CSMD3: variants seen among roughly 807,000 people sequenced by gnomAD.
CSMD3 encodes CUB and sushi domain-containing protein 3.
Under a neutral mutation model 435.2 loss-of-function variants are expected in CSMD3, and 177 were observed. That is an observed-to-expected ratio of 0.41 (90% CI 0.36 to 0.46). The LOEUF (loss-of-function observed/expected upper bound fraction) is 0.46, where lower values mean the gene tolerates loss of function less well. Among genes scored for constraint, CSMD3 ranks in the 20% least tolerant of loss-of-function variants. The probability of loss-of-function intolerance (pLI) is 0.34; values close to 1 mark genes in which losing one functional copy is unlikely to be tolerated. For synonymous variants in CSMD3, 1,656 were observed against 1,520.5 expected (o/e 1.09, Z -2.07); for missense variants, 4,265 against 4,504.6 (o/e 0.95, Z 1.52).
chr8:112,527,989 A>C (rs868206696), intron 27 of CSMD3, among the ~76,000 whole-genome samples: 1 of 152,170 alleles, frequency 6.6e-6, no homozygotes, highest in South Asian at 2.1e-4. Flanking sequence ...TGAAATTCGT[A>C]TAGTATTCAT....
chr8:112,331,005 A>G (rs1823999685), intron 45 of CSMD3, among the ~76,000 whole-genome samples: 1 of 151,946 alleles, frequency 6.6e-6, no homozygotes. Context: ...TTTTTTACTC[A>G]GTTTGTTCAT....
At chr8:112,853,743 G>A (rs1176972385) in intron 11 of CSMD3, among the ~76,000 whole-genome samples, 1 of 152,168 alleles carries the variant, frequency 6.6e-6, no homozygotes. Context: ...TCCTAAACCA[G>A]CTCCACCTGT....
At chr8:112,992,737 G>T (rs1329608980) in intron 6 of CSMD3, among the ~76,000 whole-genome samples, 1 of 151,766 alleles carries the variant, frequency 6.6e-6, no homozygotes, top group African/African-American at 2.4e-5. Flanking sequence ...GGGAAGATCT[G>T]ATTTAAATTT....
At chr8:112,263,023 T>C (rs1475557738) in intron 61 of CSMD3, among the ~76,000 whole-genome samples, 1 of 152,060 alleles carries the variant, frequency 6.6e-6, no homozygotes, top group Non-Finnish European at 1.5e-5. Context: ...ACTGTCCAGA[T>C]AATGTTCTAG....
intron 11 of CSMD3, among the ~76,000 whole-genome samples, chr8:112,842,677 C>T (rs1006201747): frequency 1.3e-5 from 2 of 151,772 alleles, no homozygotes; most frequent in African/African-American, 4.8e-5. Flanking sequence ...TGATTCATTA[C>T]ACAATTATGC....
At chr8:113,027,475 G>A (rs2086917290) in intron 5 of CSMD3, among the ~76,000 whole-genome samples, 1 of 152,144 alleles carries the variant, frequency 6.6e-6, no homozygotes, top group African/African-American at 2.4e-5. Context: ...TGTATGTAGA[G>A]TGTACAGATG....
chr8:112,595,282 G>A (rs1204692091), intron 22 of CSMD3, among the ~76,000 whole-genome samples: 2 of 151,850 alleles, frequency 1.3e-5, no homozygotes, highest in Admixed American at 6.6e-5. Context: ...AAGATGAAAC[G>A]AATGAAATGA....
At chr8:112,775,465 T>C (rs972957674) in intron 13 of CSMD3, among the ~76,000 whole-genome samples, 2 of 151,894 alleles carry the variant, frequency 1.3e-5, no homozygotes, top group African/African-American at 4.8e-5. Context: ...TTATATACAA[T>C]AATTTATAAA....
intron 39 of CSMD3, among the ~76,000 whole-genome samples, chr8:112,351,451 T>C (rs1826127437): frequency 6.6e-6 from 1 of 151,938 alleles, no homozygotes; most frequent in Non-Finnish European, 1.5e-5. Flanking sequence ...AGCTACATGA[T>C]AGTGGTAGAA....
intron 3 of CSMD3, among the ~76,000 whole-genome samples, chr8:113,219,878 T>A (rs868375707): frequency 1.3e-4 from 20 of 151,488 alleles, no homozygotes; most frequent in African/African-American, 4.1e-4. Flanking sequence ...GTTTGAAATA[T>A]ATTACAAACA....
At chr8:112,486,062 T>C (rs1283627434) in intron 31 of CSMD3, among the ~76,000 whole-genome samples, 2 of 150,850 alleles carry the variant, frequency 1.3e-5, no homozygotes, top group African/African-American at 4.9e-5. Flanking sequence ...CTGTCCAGAG[T>C]TGTATTTCAG....
intron 32 of CSMD3, among the ~76,000 whole-genome samples, chr8:112,417,159 G>A (rs1420579430): frequency 2.6e-5 from 4 of 152,152 alleles, no homozygotes; most frequent in African/African-American, 9.7e-5. Context: ...GATTTAGGAA[G>A]ATTAATGTTT....
chr8:112,427,781 A>G (rs927931517), intron 32 of CSMD3, among the ~76,000 whole-genome samples: 8 of 152,144 alleles, frequency 5.3e-5, no homozygotes, highest in African/African-American at 1.9e-4. Context: ...ATTACTTTGT[A>G]TCTTCTAAAT....
rs867801855 is a variant in CSMD3, at chr8:112,370,017, A to G, written c.6136+10335T>C. On this transcript the variant is annotated intron_variant, in intron 38 of 70. Coordinates refer to ENST00000297405, the MANE Select transcript of CSMD3 (RefSeq NM_198123.2). ...AGGAAGAAGAAGAGGAAGAGGAAGA[A>G]GAAGAGGAAGAAGAAGAAGAAGAAG... Among the ~76,000 whole-genome samples the G allele has an allele frequency of 8.1e-3, 484 of 59,532 alleles. 9 individuals carry two copies. Among genetic ancestry groups the G allele is most frequent in the African/African-American group, 0.019 (470 of 25,262 alleles). The allele number at this position is 59,532 out of a possible 152,430, so 39.1% of individuals were successfully genotyped here. A position where few individuals can be genotyped will look rare whatever the true frequency, so the allele number is the denominator to read the frequency against.
At chr8:113,355,374 G>C (rs1429125597) in intron 1 of CSMD3, among the ~76,000 whole-genome samples, 2 of 151,900 alleles carry the variant, frequency 1.3e-5, no homozygotes, top group African/African-American at 2.4e-5. Context: ...AAACAGCAAA[G>C]GTTTACTCTC....
chr8:112,576,132 C>T (rs918590235), intron 23 of CSMD3, among the ~76,000 whole-genome samples: 3 of 151,738 alleles, frequency 2.0e-5, no homozygotes, highest in Admixed American at 1.3e-4. Flanking sequence ...TTTCAGTTTG[C>T]CAAAAATAGT....
At chr8:112,662,093 T>A (rs1035713064) in intron 17 of CSMD3, among the ~76,000 whole-genome samples, 1 of 152,152 alleles carries the variant, frequency 6.6e-6, no homozygotes, top group Non-Finnish European at 1.5e-5. Flanking sequence ...ATGGCCACAC[T>A]GCCCAAGGTA....
chr8:113,325,239 G>A (rs1030775898), intron 1 of CSMD3, among the ~76,000 whole-genome samples: 10 of 152,052 alleles, frequency 6.6e-5, no homozygotes, highest in African/African-American at 2.2e-4. Context: ...TTTGGGAGGG[G>A]CCAGGGGCAG....
chr8:112,269,433 C>T (rs1026018001), intron 59 of CSMD3, among the ~76,000 whole-genome samples: 8 of 152,094 alleles, frequency 5.3e-5, no homozygotes, highest in Non-Finnish European at 7.4e-5. Context: ...TCCTTTTGGA[C>T]GCAGAAGTCC....
Sources: gnomAD v4.1 joint callset for allele counts (sites outside exome capture counted in the v4.1 genomes callset) on GRCh38, gnomAD v4.1.1 for gene constraint, MANE v1.5 for transcripts, NCBI Gene and HGNC (gene_info 2026-07-23, HGNC 2026-07-21) for gene names.